Variants in NPTN observed in about 807,000 individuals in gnomAD.
NPTN encodes neuroplastin, also known as SDR-1.
In NPTN, 5 loss-of-function variants were observed where a neutral mutation model predicts 42.7. The ratio of observed to expected loss-of-function variants is 0.12; its 90% confidence interval spans 0.06 to 0.25. NPTN has a LOEUF of 0.25. Among genes scored for constraint, NPTN ranks in the 10% least tolerant of loss-of-function variants. The pLI is 1.00. For synonymous variants in NPTN, 180 were observed against 201.9 expected, an observed-to-expected ratio of 0.89 and a Z score of 0.92; for missense variants, 307 against 525.4, an observed-to-expected ratio of 0.58 and a Z score of 4.06.
At chr15:73,575,399 G>A (rs1285228241) in intron 4 of NPTN, among the ~76,000 whole-genome samples, 1 of 152,258 alleles carries the variant, frequency 6.6e-6, no homozygotes, top group Non-Finnish European at 1.5e-5. Flanking sequence ...TTACAGGCGT[G>A]AGCCACCACG....
chr15:73,629,139 A>G (rs1898591643), intron 1 of NPTN, among the ~76,000 whole-genome samples: 1 of 152,210 alleles, frequency 6.6e-6, no homozygotes, highest in African/African-American at 2.4e-5. Flanking sequence ...ATGTAGTAAC[A>G]TGGCCTATCC....
chr15:73,604,089 C>CTGACAAGCT, intron 1 of NPTN, among the ~76,000 whole-genome samples: 1 of 152,090 alleles, frequency 6.6e-6, no homozygotes, highest in Non-Finnish European at 1.5e-5. Context: ...CCAATTCCTA[C>CTGACAAGCT]TGACAAGCTA....
At chr15:73,582,626 C>T (rs1428262207) in intron 4 of NPTN, among the ~76,000 whole-genome samples, 5 of 152,076 alleles carry the variant, frequency 3.3e-5, no homozygotes, top group South Asian at 4.1e-4. Context: ...ATCTGATGCC[C>T]GAGCCACAGT....
intron 4 of NPTN, among the ~76,000 whole-genome samples, chr15:73,583,432 T>C (rs1431080270): frequency 6.6e-6 from 1 of 152,096 alleles, no homozygotes; most frequent in Non-Finnish European, 1.5e-5. Flanking sequence ...AACTGGAAAG[T>C]AGAGATAATA....
chr15:73,591,029 A>G (rs1896565935), intron 3 of NPTN, among the ~76,000 whole-genome samples: 2 of 152,188 alleles, frequency 1.3e-5, no homozygotes, highest in African/African-American at 4.8e-5. Flanking sequence ...AAGACCTGGA[A>G]CCTAGCCTTG....
chr15:73,628,427 T>C (rs1456962651), intron 1 of NPTN, among the ~76,000 whole-genome samples: 1 of 152,210 alleles, frequency 6.6e-6, no homozygotes, highest in African/African-American at 2.4e-5. Context: ...ATAGAATACA[T>C]CAGAACGATT....
intron 2 of NPTN, 73 bp downstream of exon 2, chr15:73,596,949 G>A: frequency 8.1e-7 from 1 of 1,229,268 alleles, no homozygotes. Context: ...AAGAGGGAAA[G>A]GATGCAGAAG....
chr15:73,562,491 A>C (rs889457205), intron 7 of NPTN, among the ~76,000 whole-genome samples: 10 of 152,170 alleles, frequency 6.6e-5, no homozygotes, highest in Admixed American at 2.6e-4. Flanking sequence ...ACTGAACACA[A>C]CACCACTGTC....
chr15:73,581,979 C>T (rs993699035), intron 4 of NPTN, among the ~76,000 whole-genome samples: 2 of 152,110 alleles, frequency 1.3e-5, no homozygotes, highest in Non-Finnish European at 2.9e-5. Flanking sequence ...GGACCACAGG[C>T]GTGCACCGCC....
intron 1 of NPTN, among the ~76,000 whole-genome samples, chr15:73,629,730 C>G (rs1396006339): frequency 1.3e-5 from 2 of 152,020 alleles, no homozygotes; most frequent in Non-Finnish European, 2.9e-5. Context: ...CAGCTAACAT[C>G]TATAACACTC....
Position 73,570,044 on chromosome 15 carries a change from CT to C in NPTN, c.1114+105del. On this transcript the variant is annotated intron_variant, in intron 6 of 8. Coordinates refer to ENST00000345330, the MANE Select transcript of NPTN (RefSeq NM_012428.4). This position sits in a 1 kb window ranked among gnomAD's most constrained non-coding sequence, Gnocchi z 4.0. Reference sequence around the variant, plus strand: ...CTGGTATAAGAATTTTCCTTCTTTCCTTTAGGGATTGAATCCCAACATCCCT... The same window carrying C: ...CTGGTATAAGAATTTTCCTTCTTTCCTTAGGGATTGAATCCCAACATCCCT... 8.8e-7 allele frequency: 1 copy of C among 1,136,918 alleles called. No individual in the cohort carries two copies. The highest frequency in any genetic ancestry group is 1.2e-6 in the Non-Finnish European group (1 of 842,726). The allele number at this position is 1,136,918 out of a possible 1,614,324, so 70.4% of individuals were successfully genotyped here. A position where few individuals can be genotyped will look rare whatever the true frequency, so the allele number is the denominator to read the frequency against.
In NPTN at chr15:73,630,263, C is replaced by T. The variant is rs1166073964; in HGVS notation, c.91+2862G>A. Among the ~76,000 whole-genome samples, 6 of 152,208 alleles carry T rather than the reference C, an allele frequency of 3.9e-5. No individual in the cohort carries two copies. In the South Asian group the frequency reaches 1.2e-3, roughly 31 times the overall value. Reference sequence around the variant, plus strand: ...TTACTCAAGATCACTCAGCTACTGACAGCTGGAACTCAAACCTGAGTCTGT... The same window carrying T: ...TTACTCAAGATCACTCAGCTACTGATAGCTGGAACTCAAACCTGAGTCTGT... On this transcript the variant is annotated intron_variant, in intron 1 of 8. Coordinates refer to ENST00000345330, the MANE Select transcript of NPTN (RefSeq NM_012428.4).
At chr15:73,618,079 A>G (rs921516685) in intron 1 of NPTN, among the ~76,000 whole-genome samples, 1 of 152,228 alleles carries the variant, frequency 6.6e-6, no homozygotes, top group African/African-American at 2.4e-5. Context: ...AGTAAGTGGT[A>G]GCTCTGCAGG....
rs1272418797 is a variant in NPTN, at chr15:73,633,330, A to T, written c.-115T>A. The T allele has an allele frequency of 6.5e-6, 5 of 771,116 alleles. No homozygotes were observed. The Admixed American group carries it at 1.7e-4, about 26-fold the overall frequency. 47.8% of individuals were successfully genotyped at this position (771,116 alleles called of 1,614,324 possible). ...GCGCGAGGGAGTGAGCGAGGGAGGC[A>T]GCCGCGGCTCGGCTCCGTCCTTCCC... On this transcript the variant is annotated 5_prime_UTR_variant, in exon 1 of 9. Coordinates refer to ENST00000345330, the MANE Select transcript of NPTN (RefSeq NM_012428.4).
At chr15:73,601,508 T>C (rs184697418) in intron 1 of NPTN, among the ~76,000 whole-genome samples, 1 of 152,358 alleles carries the variant, frequency 6.6e-6, no homozygotes, top group Non-Finnish European at 1.5e-5. Context: ...GTTCAGAGCC[T>C]GACTCACTGC....
intron 6 of NPTN, chr15:73,568,379 T>C: frequency 2.0e-6 from 2 of 985,356 alleles, no homozygotes; most frequent in Non-Finnish European, 2.4e-6. Flanking sequence ...TTCTCAACCT[T>C]TCCAAAAGGC....
intron 1 of NPTN, among the ~76,000 whole-genome samples, chr15:73,603,235 T>C (rs969351405): frequency 6.6e-6 from 1 of 152,224 alleles, no homozygotes; most frequent in Non-Finnish European, 1.5e-5. Flanking sequence ...TGACACATAG[T>C]AAGCACTCAA....
intron 4 of NPTN, among the ~76,000 whole-genome samples, chr15:73,585,887 C>T (rs1273496241): frequency 6.6e-6 from 1 of 152,178 alleles, no homozygotes; most frequent in African/African-American, 2.4e-5. Flanking sequence ...TGGCCTACAG[C>T]GTCCTATTCT....
chr15:73,628,413 T>C (rs1253116626), intron 1 of NPTN, among the ~76,000 whole-genome samples: 3 of 152,228 alleles, frequency 2.0e-5, no homozygotes, highest in Non-Finnish European at 2.9e-5. Context: ...AAACAGTAAA[T>C]TGAATAGAAT....
Sources: allele counts gnomAD v4.1 joint callset (sites outside exome capture counted in the v4.1 genomes callset), GRCh38; gene constraint gnomAD v4.1.1; non-coding constraint Gnocchi (gnomAD v3.1); transcripts MANE v1.5; gene names NCBI Gene and HGNC (gene_info 2026-07-23, HGNC 2026-07-21).